DHRSX: variants seen among roughly 807,000 people sequenced by gnomAD.
DHRSX encodes dehydrogenase/reductase X-linked.
Under a neutral mutation model 34.0 loss-of-function variants are expected in DHRSX, and 31 were observed. The observed-to-expected ratio is 0.91, with a 90% CI of 0.69 to 1.23. The LOEUF (loss-of-function observed/expected upper bound fraction) is 1.23. Among genes scored for constraint, DHRSX ranks in the 50% most tolerant of loss-of-function variants. The pLI is 0.00. For missense variants in DHRSX, 414 were observed against 428.1 expected, an observed-to-expected ratio of 0.97 and a Z score of 0.29; for synonymous variants, 201 against 183.8, an observed-to-expected ratio of 1.09 and a Z score of -0.76.
chrX:2,292,787 G>A (rs1316383148), intron 3 of DHRSX, among the ~76,000 whole-genome samples: 4 of 151,084 alleles, frequency 2.6e-5, no homozygotes, highest in Admixed American at 6.6e-5. Flanking sequence ...AAAAAAGGAC[G>A]CCATTTATGG....
At chrX:2,299,048 G>C (rs978593281) in intron 3 of DHRSX, among the ~76,000 whole-genome samples, 1 of 143,302 alleles carries the variant, frequency 7.0e-6, no homozygotes, top group Non-Finnish European at 1.5e-5. Context: ...TTAACTCATT[G>C]TCTGCGACAA....
intron 1 of DHRSX, among the ~76,000 whole-genome samples, chrX:2,475,241 A>C (rs764492240): frequency 1.3e-5 from 2 of 149,198 alleles, no homozygotes; most frequent in African/African-American, 5.0e-5. Flanking sequence ...TCCCCTAGGC[A>C]TAATGACCAA....
At chrX:2,258,836 C>A (rs181547532) in intron 5 of DHRSX, among the ~76,000 whole-genome samples, 1 of 152,180 alleles carries the variant, frequency 6.6e-6, no homozygotes, top group African/African-American at 2.4e-5. Flanking sequence ...TCTCATTATC[C>A]CCTGCAGAGG....
chrX:2,259,377 T>TAG (rs1569480947), intron 5 of DHRSX, among the ~76,000 whole-genome samples: 2 of 69,810 alleles, frequency 2.9e-5, no homozygotes, highest in African/African-American at 7.8e-5. Context: ...TATATATAGA[T>TAG]ATATATATAG....
At chrX:2,458,247 T>G (rs1056128167) in intron 1 of DHRSX, among the ~76,000 whole-genome samples, 1 of 152,226 alleles carries the variant, frequency 6.6e-6, no homozygotes, top group East Asian at 1.9e-4. Context: ...TTGTACAAAG[T>G]GAAGACGTTC....
intron 3 of DHRSX, among the ~76,000 whole-genome samples, chrX:2,293,260 T>TG (rs1459067328): frequency 6.6e-5 from 10 of 151,612 alleles, no homozygotes; most frequent in African/African-American, 1.9e-4. Flanking sequence ...GCTGTTTTTT[T>TG]TTTTTTTTTC....
chrX:2,314,091 TTTC>T (rs1489455292), intron 3 of DHRSX, among the ~76,000 whole-genome samples: 4 of 150,304 alleles, frequency 2.7e-5, no homozygotes, highest in African/African-American at 9.8e-5. Flanking sequence ...TTGTAAAATG[TTTC>T]TTATCAGACC....
intron 5 of DHRSX, 30 bp from the exon 6 acceptor site, chrX:2,243,260 G>A: frequency 6.3e-7 from 1 of 1,599,604 alleles, no homozygotes; most frequent in Non-Finnish European, 8.6e-7. Context: ...AGGTGTAAGA[G>A]GCTGACGGCG....
At chrX:2,258,382 C>T (rs779814130) in intron 5 of DHRSX, among the ~76,000 whole-genome samples, 53 of 152,186 alleles carry the variant, frequency 3.5e-4, no homozygotes, top group African/African-American at 1.3e-3. Context: ...AAACTTCTAG[C>T]GTCCAGGACT....
chrX:2,241,186 C>A (rs1374460819), intron 6 of DHRSX, among the ~76,000 whole-genome samples: 1 of 151,994 alleles, frequency 6.6e-6, no homozygotes, highest in South Asian at 2.1e-4. Context: ...CCATCTCAAA[C>A]AAACAAACAA....
At chrX:2,459,725 G>A (rs2044376698) in intron 1 of DHRSX, among the ~76,000 whole-genome samples, 1 of 151,942 alleles carries the variant, frequency 6.6e-6, no homozygotes, top group South Asian at 2.1e-4. Flanking sequence ...ATTTAACGGT[G>A]TCTCCTCTTA....
intron 4 of DHRSX, among the ~76,000 whole-genome samples, chrX:2,271,150 A>G (rs1371234909): frequency 6.6e-6 from 1 of 152,238 alleles, no homozygotes; most frequent in African/African-American, 2.4e-5. Context: ...CTCACTGCCA[A>G]GGTCCGCAGC....
At chrX:2,493,609 C>T (rs1302621248) in intron 1 of DHRSX, among the ~76,000 whole-genome samples, 1 of 151,798 alleles carries the variant, frequency 6.6e-6, no homozygotes, top group African/African-American at 2.4e-5. Context: ...GGTTTATATT[C>T]TAATTATTAT....
At chrX:2,337,643 G>A (rs1368806308) in intron 3 of DHRSX, among the ~76,000 whole-genome samples, 1 of 151,952 alleles carries the variant, frequency 6.6e-6, no homozygotes, top group Admixed American at 6.6e-5. Flanking sequence ...GCCTTAAATT[G>A]GAGATGATGA....
At chrX:2,465,809 CA>C (rs375728172) in intron 1 of DHRSX, among the ~76,000 whole-genome samples, 4,871 of 84,658 alleles carry the variant, frequency 0.058, 125 homozygotes, top group East Asian at 0.1. Flanking sequence ...AACTCCATCG[CA>C]AAAAAAAAAA....
chrX:2,452,014 A>C (rs1399481425), intron 1 of DHRSX, among the ~76,000 whole-genome samples: 1 of 152,022 alleles, frequency 6.6e-6, no homozygotes, highest in Non-Finnish European at 1.5e-5. Flanking sequence ...ACGTTCCCTA[A>C]GTATGTGGTT....
At chrX:2,254,135 C>G (rs1465782882) in intron 5 of DHRSX, among the ~76,000 whole-genome samples, 8 of 152,062 alleles carry the variant, frequency 5.3e-5, no homozygotes, top group African/African-American at 1.9e-4. Context: ...TGTCATATCT[C>G]GGTCTCCCAA....
At chrX:2,342,528 G>A (rs1467291138) in intron 3 of DHRSX, among the ~76,000 whole-genome samples, 1 of 151,746 alleles carries the variant, frequency 6.6e-6, no homozygotes, top group Non-Finnish European at 1.5e-5. Flanking sequence ...TCTCCCAAGT[G>A]TCTGAGCATA....
chrX:2,310,800 C>T (rs1213444015), intron 3 of DHRSX, among the ~76,000 whole-genome samples: 3 of 151,734 alleles, frequency 2.0e-5, no homozygotes, highest in South Asian at 2.1e-4. Flanking sequence ...CAGGCTCACA[C>T]CTGTAATCCC....
Sources: allele counts gnomAD v4.1 joint callset (sites outside exome capture counted in the v4.1 genomes callset), GRCh38; gene constraint gnomAD v4.1.1; transcripts MANE v1.5; gene names NCBI Gene and HGNC (gene_info 2026-07-23, HGNC 2026-07-21).